Variants in MYRFL observed in about 807,000 individuals in gnomAD.
The protein encoded by MYRFL is myelin regulatory factor-like protein.
In MYRFL, 88 loss-of-function variants were observed where a neutral mutation model predicts 109.4. That is an observed-to-expected ratio of 0.80 (90% CI 0.68 to 0.96). MYRFL has a LOEUF of 0.96. Among genes scored for constraint, MYRFL ranks in the 40% least tolerant of loss-of-function variants. The probability of loss-of-function intolerance (pLI) is 0.00; values close to 1 mark genes in which losing one functional copy is unlikely to be tolerated. For missense variants in MYRFL, 957 were observed against 954.9 expected (o/e 1.00, Z -0.03); for synonymous variants, 324 against 320.9 (o/e 1.01, Z -0.10).
intron 1 of MYRFL, among the ~76,000 whole-genome samples, chr12:69,848,408 A>G (rs949698168): frequency 6.6e-6 from 1 of 151,982 alleles, no homozygotes; most frequent in African/African-American, 2.4e-5. Flanking sequence ...TTTTATCCAA[A>G]CAAAATATGC....
At chr12:69,853,399 G>C (rs1046690655) in intron 1 of MYRFL, among the ~76,000 whole-genome samples, 6 of 149,882 alleles carry the variant, frequency 4.0e-5, no homozygotes, top group Non-Finnish European at 8.9e-5. Context: ...CTTCTCAGAC[G>C]GGGCGGCCGG....
intron 1 of MYRFL, among the ~76,000 whole-genome samples, chr12:69,842,406 C>T (rs879628045): frequency 1.1e-4 from 16 of 152,170 alleles, no homozygotes; most frequent in Non-Finnish European, 2.2e-4. Flanking sequence ...TATTTACTCA[C>T]CTAACAAGGT....
In MYRFL at chr12:69,909,832, C is replaced by G. The variant is rs1954496155; in HGVS notation, c.1384-137C>G. 9 of 671,880 alleles carry G rather than the reference C, an allele frequency of 1.3e-5. No homozygotes were observed. The South Asian group carries it at 1.8e-4, about 14-fold the overall frequency. The allele number at this position is 671,880 out of a possible 1,614,324, so 41.6% of individuals were successfully genotyped here. The stretch of plus-strand genomic sequence containing the variant: ...AGGGCCAGCAGTTGGGTAATCCTGG[C>G]TTGGAATCCACTTGAAGAAATTATC... On this transcript the variant is annotated intron_variant, in intron 11 of 24. Coordinates refer to ENST00000552032, the MANE Select transcript of MYRFL (RefSeq NM_182530.3).
intron 1 of MYRFL, among the ~76,000 whole-genome samples, chr12:69,839,656 T>G (rs1883137241): frequency 6.6e-6 from 1 of 152,188 alleles, no homozygotes; most frequent in African/African-American, 2.4e-5. Context: ...ATAGGGATAA[T>G]AATAGTACCT....
At chr12:69,893,210 G>A (rs1887021611) in intron 7 of MYRFL, among the ~76,000 whole-genome samples, 1 of 152,178 alleles carries the variant, frequency 6.6e-6, no homozygotes, top group Non-Finnish European at 1.5e-5. Context: ...ATATTACAGG[G>A]CTGATCTCAC....
chr12:69,863,221 T>A (rs1884803441), intron 2 of MYRFL, among the ~76,000 whole-genome samples: 1 of 152,194 alleles, frequency 6.6e-6, no homozygotes. Context: ...CTTTTTTGGT[T>A]GTGTCTCTGC....
chr12:69,863,567 C>T (rs1884829380), intron 2 of MYRFL, among the ~76,000 whole-genome samples: 1 of 152,142 alleles, frequency 6.6e-6, no homozygotes, highest in Non-Finnish European at 1.5e-5. Flanking sequence ...CCATAAAAGT[C>T]CCATTTCTCT....
chr12:69,894,019 A>G (rs1887074573), intron 8 of MYRFL, among the ~76,000 whole-genome samples, 179 bp downstream of exon 8: 1 of 125,180 alleles, frequency 8.0e-6, no homozygotes, highest in Admixed American at 8.6e-5. Flanking sequence ...TTTTTGAGAA[A>G]GAATTTTGCT....
intron 21 of MYRFL, among the ~76,000 whole-genome samples, chr12:69,954,854 A>G (rs888507954): frequency 1.3e-5 from 2 of 152,254 alleles, no homozygotes; most frequent in Non-Finnish European, 2.9e-5. Flanking sequence ...AATCTTCTCC[A>G]TTACTAAATG....
intron 22 of MYRFL, among the ~76,000 whole-genome samples, chr12:69,955,944 T>C (rs927359657): frequency 3.4e-4 from 52 of 152,192 alleles, no homozygotes; most frequent in African/African-American, 1.3e-3. Context: ...AAGCCACTTA[T>C]CTTCTTTGAG....
chr12:69,903,652 C>T lies in MYRFL; in HGVS notation c.1191C>T (p.Asn397=), dbSNP rs75903217. 86 of 1,535,806 alleles carry T rather than the reference C, an allele frequency of 5.6e-5. No individual in the cohort carries two copies. Among genetic ancestry groups the T allele is most frequent in the Non-Finnish European group, 7.3e-5 (84 of 1,146,672 alleles). ...ISERIIVRAS[N]PGQFENDSDA... ...TTTATGTATTTTTCCAGGCCTCTAACCCTGGGCAGTTTGAAAATGACAGTG... is the reference window on the plus strand; with the variant it reads ...TTTATGTATTTTTCCAGGCCTCTAATCCTGGGCAGTTTGAAAATGACAGTG... Residue 397 remains asparagine (N), a synonymous_variant, in exon 11 of 25, where the codon AAC becomes AAT. Coordinates refer to ENST00000552032, the MANE Select transcript of MYRFL (RefSeq NM_182530.3).
intron 6 of MYRFL, among the ~76,000 whole-genome samples, chr12:69,890,553 G>C (rs1162502459): frequency 1.3e-5 from 2 of 152,128 alleles, no homozygotes; most frequent in African/African-American, 4.8e-5. Flanking sequence ...GGCCAACATG[G>C]CGAAACCCTG....
At chr12:69,950,111 A>ATT (rs34982566) in intron 19 of MYRFL, among the ~76,000 whole-genome samples, 34 of 150,288 alleles carry the variant, frequency 2.3e-4, no homozygotes, top group South Asian at 2.1e-4. Flanking sequence ...AGCATGCTCA[A>ATT]TTTTTTTTTT....
chr12:69,846,440 T>C (rs1029747475), intron 1 of MYRFL, among the ~76,000 whole-genome samples: 4 of 151,554 alleles, frequency 2.6e-5, no homozygotes, highest in East Asian at 1.9e-4. Flanking sequence ...ATATGCAGTA[T>C]GCAGTGTTTG....
intron 2 of MYRFL, among the ~76,000 whole-genome samples, chr12:69,871,443 G>A (rs929594083): frequency 3.3e-5 from 5 of 151,978 alleles, no homozygotes; most frequent in East Asian, 1.9e-4. Flanking sequence ...CGTGTTAGCC[G>A]GGATGGTCTT....
At chr12:69,878,242 C>CAAAAAAAAAAAAAAAAAAAAAA (rs60069243) in intron 2 of MYRFL, among the ~76,000 whole-genome samples, 1 of 112,714 alleles carries the variant, frequency 8.9e-6, no homozygotes, top group East Asian at 2.8e-4. Flanking sequence ...GACTCCATCT[C>CAAAAAAAAAAAAAAAAAAAAAA]AAAAAAAAAA....
At chr12:69,958,151 TC>T in intron 23 of MYRFL, 97 bp from the exon 24 acceptor site, 1 of 1,217,484 alleles carries the variant, frequency 8.2e-7, no homozygotes, top group Non-Finnish European at 1.2e-6. Context: ...CCAATACTTC[TC>T]CTACAGTCAT....
At chr12:69,926,902 T>TGATAA (rs1471255457) in intron 14 of MYRFL, among the ~76,000 whole-genome samples, 168 bp downstream of exon 14, 3 of 151,026 alleles carry the variant, frequency 2.0e-5, no homozygotes, top group Non-Finnish European at 4.4e-5. Flanking sequence ...TTGTCTGATG[T>TGATAA]GATAACTTTC....
intron 1 of MYRFL, among the ~76,000 whole-genome samples, chr12:69,828,231 G>A (rs1432293788): frequency 6.6e-6 from 1 of 152,044 alleles, no homozygotes; most frequent in East Asian, 1.9e-4. Context: ...GTAGAGCTAT[G>A]TTAAAACTCT....
Sources: gnomAD v4.1 joint callset for allele counts (sites outside exome capture counted in the v4.1 genomes callset) on GRCh38, gnomAD v4.1.1 for gene constraint, MANE v1.5 for transcripts, NCBI Gene and HGNC (gene_info 2026-07-23, HGNC 2026-07-21) for gene names.